RBFOX1: variants seen among roughly 807,000 people sequenced by gnomAD.
The protein encoded by RBFOX1 is RNA binding fox-1 homolog 1.
In RBFOX1, 8 loss-of-function variants were observed where a neutral mutation model predicts 57.7. The ratio of observed to expected loss-of-function variants is 0.14; its 90% CI spans 0.08 to 0.25. The LOEUF (loss-of-function observed/expected upper bound fraction) is 0.25, where lower values mean the gene tolerates loss of function less well. Ranked by LOEUF, RBFOX1 falls within the 10% of genes least tolerant of loss-of-function variation. The pLI is 1.00. For synonymous variants in RBFOX1, 326 were observed against 222.4 expected (o/e 1.47, Z -4.15); for missense variants, 611 against 548.5 (o/e 1.11, Z -1.14).
chr16:7,317,388 C>T (rs1413071990), intron 4 of RBFOX1, among the ~76,000 whole-genome samples: 1 of 152,110 alleles, frequency 6.6e-6, no homozygotes, highest in African/African-American at 2.4e-5. Context: ...TAGGCCAAAG[C>T]TCCCAGAGCT....
intron 3 of RBFOX1, among the ~76,000 whole-genome samples, chr16:6,936,086 T>A (rs1190021514): frequency 6.6e-6 from 1 of 152,230 alleles, no homozygotes; most frequent in African/African-American, 2.4e-5. Context: ...GGGCATTTCC[T>A]TAGATCTGAG....
intron 3 of RBFOX1, among the ~76,000 whole-genome samples, chr16:5,699,742 C>T (rs894623778): frequency 1.3e-5 from 2 of 152,162 alleles, no homozygotes; most frequent in African/African-American, 4.8e-5. Context: ...AATTATCCTG[C>T]CCAAAATACC....
intron 12 of RBFOX1, among the ~76,000 whole-genome samples, chr16:7,663,326 A>G (rs923754105): frequency 6.6e-6 from 1 of 152,232 alleles, no homozygotes; most frequent in African/African-American, 2.4e-5. Flanking sequence ...CCCGGATCAA[A>G]TATGAACAAC....
At chr16:5,928,645 C>T (rs559558505) in intron 4 of RBFOX1, among the ~76,000 whole-genome samples, 70 of 151,438 alleles carry the variant, frequency 4.6e-4, no homozygotes, top group African/African-American at 1.6e-3. Flanking sequence ...AACTTTACAC[C>T]AGAGCCGATG....
intron 4 of RBFOX1, among the ~76,000 whole-genome samples, chr16:7,440,400 T>G (rs2098757046): frequency 6.6e-6 from 1 of 152,128 alleles, no homozygotes. Context: ...TATGGTGATT[T>G]CAGAGAAGAA....
intron 3 of RBFOX1, among the ~76,000 whole-genome samples, chr16:6,796,501 C>G (rs1333197244): frequency 1.3e-5 from 2 of 152,176 alleles, no homozygotes; most frequent in African/African-American, 4.8e-5. Context: ...CAATAAATAA[C>G]TCTTTCATCC....
chr16:5,892,699 A>C (rs1332564601), intron 4 of RBFOX1, among the ~76,000 whole-genome samples: 1 of 152,210 alleles, frequency 6.6e-6, no homozygotes, highest in African/African-American at 2.4e-5. Context: ...GGGATTCCTA[A>C]GTCAAGATAT....
intron 1 of RBFOX1, among the ~76,000 whole-genome samples, chr16:5,444,767 C>T (rs574756279): frequency 7.9e-5 from 12 of 152,324 alleles, no homozygotes; most frequent in Non-Finnish European, 1.6e-4. Context: ...ACTGTATTCA[C>T]CTCACTTCAT....
chr16:6,861,023 C>G (rs149215589), intron 3 of RBFOX1, among the ~76,000 whole-genome samples: 52 of 152,226 alleles, frequency 3.4e-4, no homozygotes, highest in African/African-American at 1.2e-3. Flanking sequence ...ATGCCCACCA[C>G]TGTTAGGGAG....
chr16:6,524,460 C>T (rs545424828), intron 2 of RBFOX1, among the ~76,000 whole-genome samples: 68 of 152,292 alleles, frequency 4.5e-4, no homozygotes, highest in African/African-American at 1.6e-3. Context: ...TCTACAAACT[C>T]ACTTTCGAAG....
chr16:6,838,005 C>T (rs1199122202), intron 3 of RBFOX1, among the ~76,000 whole-genome samples: 2 of 110,796 alleles, frequency 1.8e-5, no homozygotes, highest in Non-Finnish European at 1.8e-5. Context: ...GAAGTTACCA[C>T]CCCTTTTTTT....
At chr16:7,162,474 A>C (rs1276011997) in intron 4 of RBFOX1, among the ~76,000 whole-genome samples, 7 of 151,952 alleles carry the variant, frequency 4.6e-5, no homozygotes, top group African/African-American at 1.7e-4. Context: ...TCACGCCTGT[A>C]ACCCCAGCAC....
At chr16:5,949,783 T>G (rs903652828) in intron 4 of RBFOX1, among the ~76,000 whole-genome samples, 1 of 152,180 alleles carries the variant, frequency 6.6e-6, no homozygotes, top group Non-Finnish European at 1.5e-5. Flanking sequence ...GAATATTCTT[T>G]GGCCTCATCC....
chr16:6,251,665 T>G (rs1323379652), intron 1 of RBFOX1, among the ~76,000 whole-genome samples: 5 of 151,522 alleles, frequency 3.3e-5, no homozygotes, highest in Admixed American at 6.6e-5. Flanking sequence ...AAGCACAGAG[T>G]TTGGTGCATC....
intron 11 of RBFOX1, among the ~76,000 whole-genome samples, chr16:7,652,541 G>C (rs1294408631): frequency 6.6e-6 from 1 of 152,166 alleles, no homozygotes; most frequent in Non-Finnish European, 1.5e-5. Flanking sequence ...CCAAGTAGCG[G>C]GAATTATAGG....
intron 3 of RBFOX1, among the ~76,000 whole-genome samples, chr16:6,781,780 C>G (rs537509207): frequency 4.6e-5 from 7 of 152,166 alleles, no homozygotes; most frequent in East Asian, 1.9e-4. Context: ...TTTCTTAGCT[C>G]TGATTTCATA....
At position 6,790,598 on chromosome 16, in the gene RBFOX1, A is replaced by T. The variant is rs535752261; in HGVS notation, c.-16+135948A>T. Among the ~76,000 whole-genome samples the T allele has an allele frequency of 6.3e-4, 96 of 152,144 alleles. No homozygotes were observed. In the South Asian group the frequency reaches 9.1e-3, roughly 14 times the overall value. On this transcript the variant is annotated intron_variant, in intron 3 of 15. Transcript: ENST00000550418. ...TGTTTTCCCAACACTGCCTTCTCCA[A>T]TTCAGCACATGTTTTTAAGTCTCTT...
intron 1 of RBFOX1, among the ~76,000 whole-genome samples, chr16:6,061,412 A>G (rs965302921): frequency 6.6e-6 from 1 of 151,930 alleles, no homozygotes; most frequent in African/African-American, 2.4e-5. Flanking sequence ...TTATATGTCT[A>G]TATAATGTTT....
At position 7,538,078 on chromosome 16, in the gene RBFOX1, G is replaced by C. The variant is rs371210702; in HGVS notation, c.270+19689G>C. 4.7e-4 allele frequency among the ~76,000 whole-genome samples: 72 copies of C among 152,304 alleles called. 1 individual carries two copies. The highest frequency in any genetic ancestry group is 1.7e-3 in the African/African-American group (69 of 41,570). On this transcript the variant is annotated intron_variant, in intron 5 of 15. Transcript: ENST00000550418. ...AATGGAGGTACCCGCAGAGTGATCA[G>C]CTCTGGGTTAGACCTTGAGACTGGG...
Sources: gnomAD v4.1 joint callset for allele counts (sites outside exome capture counted in the v4.1 genomes callset) on GRCh38, gnomAD v4.1.1 for gene constraint, MANE v1.5 for transcripts, NCBI Gene and HGNC (gene_info 2026-07-23, HGNC 2026-07-21) for gene names.